Variants in ZNF100 observed in about 807,000 individuals in gnomAD.
ZNF100 encodes zinc finger protein 100.
In ZNF100, 12 loss-of-function variants were observed where a neutral mutation model predicts 15.8. The ratio of observed to expected loss-of-function variants is 0.76; its 90% CI spans 0.49 to 1.23. ZNF100 has a LOEUF of 1.23. ZNF100 is among the 50% of genes most tolerant of loss of function. ZNF100 has a pLI of 0.00. For missense variants in ZNF100, 670 were observed against 635.6 expected, an observed-to-expected ratio of 1.05 and a Z score of -0.58; for synonymous variants, 226 against 214.8, an observed-to-expected ratio of 1.05 and a Z score of -0.45.
intron 4 of ZNF100, 142 bp from the exon 5 acceptor site, chr19:21,728,131 TAA>T (rs34212229): frequency 5.8e-4 from 369 of 634,132 alleles, no homozygotes; most frequent in South Asian, 9.3e-4. Flanking sequence ...CATATAAATG[TAA>T]AAAAAAAAAA....
At chr19:21,743,392 G>T (rs751241590) in intron 4 of ZNF100, among the ~76,000 whole-genome samples, 8 of 151,982 alleles carry the variant, frequency 5.3e-5, no homozygotes, top group Non-Finnish European at 1.0e-4. Context: ...AATTCCAGTG[G>T]CATTTTTTTC....
intron 4 of ZNF100, among the ~76,000 whole-genome samples, chr19:21,730,002 C>T (rs1219671987): frequency 6.6e-6 from 1 of 151,568 alleles, no homozygotes; most frequent in African/African-American, 2.4e-5. Flanking sequence ...GAAGTAAAAG[C>T]ATATCAATAT....
chr19:21,742,475 C>A (rs1371343312), intron 4 of ZNF100, among the ~76,000 whole-genome samples: 1 of 144,182 alleles, frequency 6.9e-6, no homozygotes, highest in Non-Finnish European at 1.5e-5. Flanking sequence ...GCCTGGGCAA[C>A]AACAGTGAAA....
intron 1 of ZNF100, among the ~76,000 whole-genome samples, chr19:21,766,675 C>A (rs764673481): frequency 4.5e-4 from 68 of 152,282 alleles, no homozygotes; most frequent in Non-Finnish European, 8.4e-4. Flanking sequence ...GCTGGATACT[C>A]TATGATTCTT....
chr19:21,764,821 C>T (rs2036534593), intron 2 of ZNF100, among the ~76,000 whole-genome samples: 1 of 151,894 alleles, frequency 6.6e-6, no homozygotes, highest in Non-Finnish European at 1.5e-5. Context: ...AGGATCTGAA[C>T]ACAGATATTC....
At position 21,724,247 on chromosome 19, in the gene ZNF100, T is replaced by C. The variant is rs1250575029; in HGVS notation, c.*2436A>G. 1 of 152,186 alleles carries C rather than the reference T, an allele frequency of 6.6e-6. No individual in the cohort carries two copies. The highest frequency in any genetic ancestry group is 1.5e-5 in the Non-Finnish European group (1 of 68,010). The allele number at this position is 152,186 out of a possible 1,614,324, so 9.4% of individuals were successfully genotyped here. The stretch of plus-strand genomic sequence containing the variant: ...GCTTTTAGTTTTCTAGTAGTCATCT[T>C]GTTAAAATGATTTGTTTTGTTCAGT... On this transcript the variant is annotated 3_prime_UTR_variant, in exon 5 of 5. Transcript: ENST00000358296.
chr19:21,751,947 C>T (rs989979822), intron 2 of ZNF100: 10 of 465,500 alleles, frequency 2.1e-5, no homozygotes, highest in African/African-American at 4.0e-5. Flanking sequence ...TATAATGTCA[C>T]GGGACCTTCA....
At chr19:21,765,564 T>C in intron 2 of ZNF100, 130 bp downstream of exon 2, 1 of 766,002 alleles carries the variant, frequency 1.3e-6, no homozygotes, top group South Asian at 1.9e-5. Flanking sequence ...CCCCCTTAGA[T>C]GATCCAGGGA....
chr19:21,752,003 C>A (rs748938182), intron 2 of ZNF100: 65 of 342,318 alleles, frequency 1.9e-4, no homozygotes, highest in Non-Finnish European at 1.9e-4. Context: ...CAAAAACCAG[C>A]AAAATTAGTG....
chr19:21,739,814 ACTGT>A (rs1261871271), intron 4 of ZNF100, among the ~76,000 whole-genome samples: 1 of 151,986 alleles, frequency 6.6e-6, no homozygotes, highest in African/African-American at 2.4e-5. Context: ...TAATAAATAA[ACTGT>A]CTCTAATAAA....
chr19:21,738,365 A>C (rs1203799288), intron 4 of ZNF100, among the ~76,000 whole-genome samples: 1 of 151,550 alleles, frequency 6.6e-6, no homozygotes, highest in African/African-American at 2.4e-5. Flanking sequence ...AGACAATCTT[A>C]GGCAAAAAGA....
At chr19:21,734,254 T>G (rs1160851090) in intron 4 of ZNF100, among the ~76,000 whole-genome samples, 4 of 152,112 alleles carry the variant, frequency 2.6e-5, no homozygotes, top group Admixed American at 1.3e-4. Flanking sequence ...AGGTGGGTAA[T>G]AATGAACTTC....
rs1457419977 is a variant in ZNF100 at position 21,724,493 on chromosome 19, TTTA to T, written c.*2187_*2189del. On this transcript the variant is annotated 3_prime_UTR_variant, in exon 5 of 5. Transcript: ENST00000358296. ...ATTCAGGCCTCAGAAATGTAGGGAT[TTTA>T]TTATACTTCTACATAACTTTTATTA... 6.6e-6 allele frequency: 1 copy of T among 152,156 alleles called. No homozygotes were observed. The highest frequency in any genetic ancestry group is 2.4e-5 in the African/African-American group (1 of 41,444). 9.4% of individuals were successfully genotyped at this position (152,156 alleles called of 1,614,324 possible).
rs539869681 is a variant in ZNF100, at chr19:21,741,317, CTG to C, written c.322+2698_322+2699del. ...TTTAATTTCACAAGATGTAAAATTT[CTG>C]TAAGTCTTTTGCATAACAATGTGAA... On this transcript the variant is annotated intron_variant, in intron 4 of 4. Transcript: ENST00000358296. 4.4e-3 allele frequency among the ~76,000 whole-genome samples: 665 copies of C among 152,200 alleles called. 1 individual carries two copies. Among genetic ancestry groups the C allele is most frequent in the African/African-American group, 0.015 (643 of 41,526 alleles).
At chr19:21,733,191 TATC>T (rs1304050160) in intron 4 of ZNF100, among the ~76,000 whole-genome samples, 4 of 152,336 alleles carry the variant, frequency 2.6e-5, no homozygotes, top group South Asian at 4.1e-4. Context: ...ATTTTTTTAC[TATC>T]ATAATGATGC....
chr19:21,760,247 C>T (rs957495254), intron 2 of ZNF100, among the ~76,000 whole-genome samples: 2 of 151,140 alleles, frequency 1.3e-5, no homozygotes, highest in Admixed American at 1.3e-4. Context: ...AATAATTACA[C>T]TTTGGGAGGC....
At position 21,725,465 on chromosome 19, in the gene ZNF100, T is replaced by A. The variant is rs867546853; in HGVS notation, c.*1218A>T. On this transcript the variant is annotated 3_prime_UTR_variant, in exon 5 of 5. Coordinates refer to ENST00000358296, the MANE Select transcript of ZNF100 (RefSeq NM_173531.4). ...ATTGCTTAATATTATAAGTTAACCA[T>A]AAAAGTCTCTTCACTTAGATTTTCA... is the stretch of plus-strand genomic sequence containing the variant. 1 of 152,160 alleles carries A rather than the reference T, an allele frequency of 6.6e-6. No individual in the cohort carries two copies. Among genetic ancestry groups the A allele is most frequent in the Non-Finnish European group, 1.5e-5 (1 of 68,000 alleles). 9.4% of individuals were successfully genotyped at this position (152,160 alleles called of 1,614,324 possible).
intron 3 of ZNF100, among the ~76,000 whole-genome samples, chr19:21,744,703 A>C (rs998654466): frequency 9.9e-5 from 15 of 152,078 alleles, no homozygotes; most frequent in Non-Finnish European, 1.6e-4. Flanking sequence ...TATGACACTA[A>C]ATTTCTGGAA....
chr19:21,750,388 A>G (rs2036281881), intron 2 of ZNF100: 1 of 152,214 alleles, frequency 6.6e-6, no homozygotes, highest in East Asian at 1.9e-4. Context: ...GGGAAGAGAC[A>G]CAATAAAAAA....
Sources: gnomAD v4.1 joint callset for allele counts (sites outside exome capture counted in the v4.1 genomes callset) on GRCh38, gnomAD v4.1.1 for gene constraint, MANE v1.5 for transcripts, NCBI Gene and HGNC (gene_info 2026-07-23, HGNC 2026-07-21) for gene names.